PRICKLE2: variants seen among roughly 807,000 people sequenced by gnomAD.
PRICKLE2 encodes prickle planar cell polarity protein 2, also known as prickle-like protein 2.
PRICKLE2 carries 21 observed loss-of-function variants against 81.4 expected under a neutral mutation model. The observed-to-expected ratio is 0.26, with a 90% CI of 0.18 to 0.37. The LOEUF is 0.37. Ranked by LOEUF, PRICKLE2 falls within the 10% of genes least tolerant of loss-of-function variation. The pLI is 1.00. For missense variants in PRICKLE2, 940 were observed against 1,109.0 expected (o/e 0.85, Z 2.16); for synonymous variants, 456 against 421.5 (o/e 1.08, Z -1.00).
chr3:64,247,827 T>C (rs221990), intron 2 of PRICKLE2, among the ~76,000 whole-genome samples: 135,596 of 152,238 alleles, frequency 0.89, 60,750 homozygotes, highest in African/African-American at 0.94. Flanking sequence ...AGTTATAGCA[T>C]GGAATTTCAT....
chr3:64,208,739 G>T (rs1021348344), intron 1 of PRICKLE2, among the ~76,000 whole-genome samples: 1 of 152,134 alleles, frequency 6.6e-6, no homozygotes, highest in Non-Finnish European at 1.5e-5. Flanking sequence ...TATAAAGTTG[G>T]CATTTTTATC....
upstream of PRICKLE2, among the ~76,000 whole-genome samples, chr3:64,229,153 T>C (rs1275544488): frequency 1.3e-5 from 2 of 152,060 alleles, no homozygotes; most frequent in African/African-American, 2.4e-5. Context: ...AATGCATAAT[T>C]AAGAGACATC....
chr3:64,186,321 T>C (rs2078231854), intron 2 of PRICKLE2, among the ~76,000 whole-genome samples: 1 of 152,210 alleles, frequency 6.6e-6, no homozygotes, highest in African/African-American at 2.4e-5. Context: ...ATCCTTGTTT[T>C]TCAGAAGATG....
chr3:64,123,369 C>A (rs865511), intron 7 of PRICKLE2, among the ~76,000 whole-genome samples: 61,989 of 152,056 alleles, frequency 0.41, 13,186 homozygotes, highest in East Asian at 0.55. Flanking sequence ...GTTCTAAAAT[C>A]TGAAAACTTT....
chr3:64,121,505 C>A (rs1006011419), intron 7 of PRICKLE2, among the ~76,000 whole-genome samples: 19 of 150,220 alleles, frequency 1.3e-4, no homozygotes, highest in African/African-American at 4.4e-4. Flanking sequence ...TATTGTAACT[C>A]GGCTGTGTTC....
At chr3:64,101,978 C>CA (rs1231307136) in intron 7 of PRICKLE2, 2 of 152,180 alleles carry the variant, frequency 1.3e-5, no homozygotes, top group African/African-American at 4.8e-5. Flanking sequence ...TGCATGCCTC[C>CA]AGTTGAGATG....
chr3:64,156,017 C>A (rs2077630441), intron 5 of PRICKLE2, among the ~76,000 whole-genome samples: 1 of 152,180 alleles, frequency 6.6e-6, no homozygotes, highest in Non-Finnish European at 1.5e-5. Flanking sequence ...TAATGCTATG[C>A]AAATTATATC....
intron 2 of PRICKLE2, among the ~76,000 whole-genome samples, chr3:64,165,963 GGTGT>G (rs67554015): frequency 0.063 from 3,850 of 61,504 alleles, 63 homozygotes; most frequent in Admixed American, 0.12. Flanking sequence ...CTGTTATAAA[GGTGT>G]GTGTGTGTGT....
At chr3:64,193,739 C>T (rs2078393524) in intron 2 of PRICKLE2, among the ~76,000 whole-genome samples, 1 of 152,130 alleles carries the variant, frequency 6.6e-6, no homozygotes, top group African/African-American at 2.4e-5. Context: ...CCATGATGGC[C>T]TCGTGATAGT....
chr3:64,133,023 T>A (rs2077219993), intron 7 of PRICKLE2, among the ~76,000 whole-genome samples: 1 of 152,172 alleles, frequency 6.6e-6, no homozygotes, highest in Admixed American at 6.5e-5. Context: ...GATTCAAAAT[T>A]CTTCTTTTGT....
intron 5 of PRICKLE2, among the ~76,000 whole-genome samples, chr3:64,156,847 T>C (rs188991504): frequency 3.1e-4 from 47 of 152,306 alleles, no homozygotes; most frequent in Admixed American, 2.5e-3. Flanking sequence ...AGATGCACAA[T>C]GCAATTTTGT....
chr3:64,268,091 A>G (rs1330443567), intron 2 of PRICKLE2: 1 of 152,248 alleles, frequency 6.6e-6, no homozygotes, highest in East Asian at 1.9e-4. Context: ...AAGGCAGGTA[A>G]CATTCCTGGG....
At chr3:64,190,482 G>A (rs1301770347) in intron 2 of PRICKLE2, 1 of 152,072 alleles carries the variant, frequency 6.6e-6, no homozygotes, top group African/African-American at 2.4e-5. Flanking sequence ...CTACAGTGCA[G>A]TAGAAACCTT....
chr3:64,151,692 T>C (rs897260667), intron 6 of PRICKLE2, among the ~76,000 whole-genome samples: 1 of 152,174 alleles, frequency 6.6e-6, no homozygotes, highest in African/African-American at 2.4e-5. Context: ...GTCAAGACAT[T>C]GCACCATTTT....
intron 6 of PRICKLE2, among the ~76,000 whole-genome samples, chr3:64,150,374 T>A (rs2077525880): frequency 6.6e-6 from 1 of 152,140 alleles, no homozygotes. Flanking sequence ...TACTTGGTAA[T>A]GGAGTTAACA....
rs1559505104 is a variant in PRICKLE2 at position 64,099,039 on chromosome 3, A to T, written c.*12T>A. 1.2e-6 allele frequency: 2 copies of T among 1,614,000 alleles called. No individual in the cohort carries two copies. The highest frequency in any genetic ancestry group is 1.7e-6 in the Non-Finnish European group (2 of 1,179,968). Reference sequence around the variant, plus strand: ...AGCTCCCATCTTCTCCCATTCCCTGATCCCAATCATATTAAGAAATGATAC... The same window carrying T: ...AGCTCCCATCTTCTCCCATTCCCTGTTCCCAATCATATTAAGAAATGATAC... On this transcript the variant is annotated 3_prime_UTR_variant, in exon 8 of 8. Coordinates refer to ENST00000638394, the MANE Select transcript of PRICKLE2 (RefSeq NM_198859.4). The surrounding 1 kb of genome is among the most constrained non-coding windows in gnomAD (Gnocchi z 4.3).
rs553204898 is a variant in PRICKLE2, at chr3:64,266,797, A to C, written c.129-67830T>G. Among the ~76,000 whole-genome samples the C allele has an allele frequency of 6.6e-4, 101 of 152,270 alleles. 1 individual carries two copies. The South Asian group carries it at 0.021, about 31-fold the overall frequency. On this transcript the variant is annotated intron_variant, in intron 2 of 8. Transcript: ENST00000295902. ...GTATACAAATGATTCACACCACCTA[A>C]ACAACTGCAAATAAAGGCCGGCCCA...
chr3:64,128,375 C>T (rs2077143411), intron 7 of PRICKLE2, among the ~76,000 whole-genome samples: 1 of 152,166 alleles, frequency 6.6e-6, no homozygotes, highest in Admixed American at 6.5e-5. Flanking sequence ...CAGGGATTCT[C>T]AAAGTGGGGA....
chr3:64,138,096 A>G (rs926580176), intron 7 of PRICKLE2, among the ~76,000 whole-genome samples: 3 of 151,850 alleles, frequency 2.0e-5, no homozygotes, highest in African/African-American at 4.8e-5. Context: ...GGAGGGGATC[A>G]GATAAAAACG....
Sources: allele counts gnomAD v4.1 joint callset (sites outside exome capture counted in the v4.1 genomes callset), GRCh38; gene constraint gnomAD v4.1.1; non-coding constraint Gnocchi (gnomAD v3.1); transcripts MANE v1.5; gene names NCBI Gene and HGNC (gene_info 2026-07-23, HGNC 2026-07-21).